The following CMIP variants were observed in gnomAD, a reference collection of about 807,000 sequenced individuals.
CMIP encodes the protein c-Maf inducing protein.
Under a neutral mutation model 97.3 loss-of-function variants are expected in CMIP, and 13 were observed. The ratio of observed to expected loss-of-function variants is 0.13; its 90% CI spans 0.09 to 0.21. The LOEUF is 0.21. Among genes scored for constraint, CMIP ranks in the 10% least tolerant of loss-of-function variants. CMIP has a pLI of 1.00. For missense variants in CMIP, 847 were observed against 1,024.9 expected, an observed-to-expected ratio of 0.83 and a Z score of 2.37; for synonymous variants, 538 against 436.3, an observed-to-expected ratio of 1.23 and a Z score of -2.91.
At chr16:81,681,542 G>A (rs1045148038) in intron 10 of CMIP, among the ~76,000 whole-genome samples, 6 of 152,236 alleles carry the variant, frequency 3.9e-5, no homozygotes, top group East Asian at 1.9e-4. Flanking sequence ...AGTGCCTGGC[G>A]CAGAGCAGAC....
chr16:81,709,543 T>G (rs1476781076), intron 20 of CMIP, among the ~76,000 whole-genome samples: 1 of 152,190 alleles, frequency 6.6e-6, no homozygotes, highest in Non-Finnish European at 1.5e-5. Context: ...GCTGCCTGGT[T>G]TCTCCGGGGC....
At chr16:81,601,695 A>C (rs1322682670) in intron 1 of CMIP, among the ~76,000 whole-genome samples, 1 of 152,030 alleles carries the variant, frequency 6.6e-6, no homozygotes. Context: ...AAAAAGACAA[A>C]GGCAGAGTTC....
At chr16:81,641,110 C>T (rs2092301741) in intron 3 of CMIP, among the ~76,000 whole-genome samples, 1 of 152,142 alleles carries the variant, frequency 6.6e-6, no homozygotes. Flanking sequence ...ATTCCCAGGC[C>T]TCGCCCAGCT....
In CMIP at chr16:81,652,442, G is replaced by C; in HGVS notation, c.639+78G>C. 1 of 1,315,600 alleles carries C rather than the reference G, an allele frequency of 7.6e-7. No individual in the cohort carries two copies. The allele number at this position is 1,315,600 out of a possible 1,614,324, so 81.5% of individuals were successfully genotyped here. On this transcript the variant is annotated intron_variant, in intron 4 of 20. Transcript: ENST00000537098. The surrounding 1 kb of genome is among the most constrained non-coding windows in gnomAD (Gnocchi z 5.2). The stretch of plus-strand genomic sequence containing the variant: ...TCACCGGCTCCATGCCAAGCAGCAG[G>C]CGCAGGCAGAGCTCCGTGTGGGCTG...
intron 1 of CMIP, among the ~76,000 whole-genome samples, chr16:81,561,725 G>C (rs544547550): frequency 1.1e-4 from 17 of 152,318 alleles, no homozygotes; most frequent in African/African-American, 3.8e-4. Context: ...TGTATGGACA[G>C]TATTCTAAAC....
intron 10 of CMIP, among the ~76,000 whole-genome samples, chr16:81,683,755 T>G (rs951931195): frequency 1.4e-4 from 21 of 145,462 alleles, no homozygotes; most frequent in Non-Finnish European, 2.7e-4. Context: ...TTTTTCTTTT[T>G]CTTTTTTTTT....
At chr16:81,490,434 A>C (rs866799070) in intron 1 of CMIP, among the ~76,000 whole-genome samples, 42 of 152,340 alleles carry the variant, frequency 2.8e-4, no homozygotes, top group African/African-American at 8.7e-4. Flanking sequence ...AGCCTGGCCA[A>C]CATGGTGAAA....
chr16:81,499,181 A>C (rs908951228), intron 1 of CMIP, among the ~76,000 whole-genome samples: 4 of 152,076 alleles, frequency 2.6e-5, no homozygotes, highest in Admixed American at 6.5e-5. Context: ...GTGTGCATGC[A>C]TGCACCATTC....
intron 3 of CMIP, among the ~76,000 whole-genome samples, chr16:81,649,637 A>AT (rs1455463373): frequency 6.6e-6 from 1 of 152,182 alleles, no homozygotes; most frequent in South Asian, 2.1e-4. Flanking sequence ...TACAGTTTAG[A>AT]TTTTTTGCAA....
rs562939196 is a variant in CMIP at position 81,600,878 on chromosome 16, T to C, written c.301-6689T>C. On this transcript the variant is annotated intron_variant, in intron 1 of 20. Coordinates refer to ENST00000537098, the MANE Select transcript of CMIP (RefSeq NM_198390.3). ...GCCTCATCATTAGTGTTGTTGGTGT[T>C]GTTGCTGTTGACTGTCTAAGCAGGG... 2.4e-3 allele frequency among the ~76,000 whole-genome samples: 360 copies of C among 152,324 alleles called. 1 individual carries two copies. The highest frequency in any genetic ancestry group is 4.2e-3 in the Non-Finnish European group (284 of 68,034).
chr16:81,607,513 C>G, intron 1 of CMIP, 54 bp from the exon 2 acceptor site: 1 of 1,597,388 alleles, frequency 6.3e-7, no homozygotes, highest in South Asian at 1.1e-5. Flanking sequence ...ATGCGGACGT[C>G]ATGCCTGCTA....
At chr16:81,670,914 C>T (rs575461645) in intron 8 of CMIP, among the ~76,000 whole-genome samples, 11 of 152,168 alleles carry the variant, frequency 7.2e-5, no homozygotes, top group African/African-American at 2.2e-4. Context: ...CTGCAACCTC[C>T]GGCTCCCGGG....
chr16:81,696,699 CA>C (rs772975736), intron 14 of CMIP, 32 bp downstream of exon 14: 38 of 1,589,794 alleles, frequency 2.4e-5, no homozygotes, highest in Non-Finnish European at 3.2e-5. Flanking sequence ...GGGTGACTTC[CA>C]GGGGTCCCTG....
chr16:81,447,364 A>G (rs1567520368), intron 1 of CMIP, among the ~76,000 whole-genome samples: 1 of 151,764 alleles, frequency 6.6e-6, no homozygotes, highest in African/African-American at 2.4e-5. Context: ...CCTCTGGGAG[A>G]AGCCAGGAGT....
intron 1 of CMIP, among the ~76,000 whole-genome samples, chr16:81,525,289 AC>A (rs1047099913): frequency 6.7e-5 from 10 of 150,208 alleles, no homozygotes; most frequent in African/African-American, 2.4e-4. Flanking sequence ...GGTTACAGGC[AC>A]CCGCCATTAT....
chr16:81,550,923 GTCACATATATCCCAGTTCCGTCACACA>G (rs2090641271), intron 1 of CMIP, among the ~76,000 whole-genome samples: 1 of 97,244 alleles, frequency 1.0e-5, no homozygotes, highest in East Asian at 3.3e-4. Context: ...CCCCAGTTCC[GTCACATATATCCCAGTTCCGTCACACA>G]CACCCCAGTC....
intron 1 of CMIP, among the ~76,000 whole-genome samples, chr16:81,563,933 G>T (rs2090932841): frequency 6.6e-6 from 1 of 152,236 alleles, no homozygotes; most frequent in African/African-American, 2.4e-5. Flanking sequence ...GCTGTCTCCA[G>T]CAGCTGGTGC....
At chr16:81,574,295 C>G (rs907420211) in intron 1 of CMIP, among the ~76,000 whole-genome samples, 1 of 143,244 alleles carries the variant, frequency 7.0e-6, no homozygotes, top group Admixed American at 7.0e-5. Flanking sequence ...GCTTGGCCAC[C>G]CTGCCACCTC....
intron 1 of CMIP, among the ~76,000 whole-genome samples, chr16:81,564,641 A>G (rs1309042063): frequency 1.3e-5 from 2 of 152,288 alleles, no homozygotes; most frequent in East Asian, 3.9e-4. Context: ...TGCTCTTGAG[A>G]CAATGGGGCA....
Sources: gnomAD v4.1 joint callset for allele counts (sites outside exome capture counted in the v4.1 genomes callset) on GRCh38, gnomAD v4.1.1 for gene constraint, Gnocchi (gnomAD v3.1) non-coding constraint, MANE v1.5 for transcripts, NCBI Gene and HGNC (gene_info 2026-07-23, HGNC 2026-07-21) for gene names.